Variants in AFAP1L1 observed in about 807,000 individuals in gnomAD.
The protein encoded by AFAP1L1 is actin filament-associated protein 1-like 1.
AFAP1L1 carries 77 observed loss-of-function variants against 99.8 expected under a neutral mutation model. The ratio of observed to expected loss-of-function variants is 0.77; its 90% CI spans 0.64 to 0.93. The LOEUF is 0.93. Among genes scored for constraint, AFAP1L1 ranks in the 40% least tolerant of loss-of-function variants. AFAP1L1 has a pLI of 0.00. For missense variants in AFAP1L1, 893 were observed against 996.8 expected (o/e 0.90, Z 1.40); for synonymous variants, 373 against 395.3 (o/e 0.94, Z 0.67).
At chr5:149,322,569 T>G in intron 14 of AFAP1L1, 37 bp from the exon 15 acceptor site, 3 of 1,498,030 alleles carry the variant, frequency 2.0e-6, no homozygotes, top group Non-Finnish European at 2.7e-6. Flanking sequence ...AGTCTGCGCC[T>G]GCCTGAACTT....
At chr5:149,314,886 TCAG>T (rs1756749733) in intron 9 of AFAP1L1, among the ~76,000 whole-genome samples, 1 of 152,202 alleles carries the variant, frequency 6.6e-6, no homozygotes, top group South Asian at 2.1e-4. Flanking sequence ...CTGGCACAGT[TCAG>T]CTTCTTGAAG....
At chr5:149,282,434 A>T (rs1303549031) in intron 1 of AFAP1L1, among the ~76,000 whole-genome samples, 1 of 152,166 alleles carries the variant, frequency 6.6e-6, no homozygotes, top group Non-Finnish European at 1.5e-5. Context: ...GAAGCAATTC[A>T]CTGCCGGGAG....
chr5:149,305,878 CCACACACACACACACACACA>C (rs56036411), intron 5 of AFAP1L1, among the ~76,000 whole-genome samples: 15 of 142,472 alleles, frequency 1.1e-4, no homozygotes, highest in Admixed American at 2.1e-4. Context: ...GACCAACACA[CCACACACACACACACACACA>C]CACACACACA....
chr5:149,341,865 T>G lies in AFAP1L1; in HGVS notation c.*1835T>G, dbSNP rs970313735. On this transcript the variant is annotated 3_prime_UTR_variant, in exon 19 of 19. Coordinates refer to ENST00000296721, the MANE Select transcript of AFAP1L1 (RefSeq NM_152406.4). ...AGAGGAAATTACTTTTCAGTGTTCT[T>G]TTTTAAAACGTGGATCCTGAAATGT... 5 of 152,256 alleles carry G rather than the reference T, an allele frequency of 3.3e-5. No homozygotes were observed. The highest frequency in any genetic ancestry group is 1.2e-4 in the African/African-American group (5 of 41,474). 9.4% of individuals were successfully genotyped at this position (152,256 alleles called of 1,614,324 possible). A position where few individuals can be genotyped will look rare whatever the true frequency, so the allele number is the denominator to read the frequency against.
intron 16 of AFAP1L1, 126 bp from the exon 17 acceptor site, chr5:149,332,569 C>A: frequency 9.9e-7 from 1 of 1,005,854 alleles, no homozygotes. Flanking sequence ...CAGAGTCCAT[C>A]TCTTAACCAA....
At chr5:149,280,471 CT>C (rs77278332) in intron 1 of AFAP1L1, among the ~76,000 whole-genome samples, 11,487 of 145,090 alleles carry the variant, frequency 0.079, 973 homozygotes, top group African/African-American at 0.22. Context: ...TGGGAATCTG[CT>C]TTTTTTTTTT....
At chr5:149,275,354 GGGACCTCT>G (rs1367504505) in intron 1 of AFAP1L1, among the ~76,000 whole-genome samples, 1 of 152,286 alleles carries the variant, frequency 6.6e-6, no homozygotes, top group Non-Finnish European at 1.5e-5. Context: ...AGTGTCGGGT[GGGACCTCT>G]CTTCCTGGCT....
At chr5:149,287,177 A>C (rs1055710468) in intron 1 of AFAP1L1, among the ~76,000 whole-genome samples, 2 of 152,254 alleles carry the variant, frequency 1.3e-5, no homozygotes, top group African/African-American at 4.8e-5. Context: ...AAATCTTAGC[A>C]GCATAATATT....
chr5:149,305,611 A>C (rs1290464570), intron 5 of AFAP1L1, among the ~76,000 whole-genome samples: 1 of 152,122 alleles, frequency 6.6e-6, no homozygotes, highest in African/African-American at 2.4e-5. Context: ...ACATCCCACT[A>C]ACCCCAGCAC....
At chr5:149,312,085 G>T in intron 8 of AFAP1L1, 27 bp from the exon 9 acceptor site, 2 of 1,606,014 alleles carry the variant, frequency 1.2e-6, no homozygotes, top group South Asian at 2.2e-5. Flanking sequence ...CTGCCCACCC[G>T]TTCACAGCTG....
intron 16 of AFAP1L1, among the ~76,000 whole-genome samples, chr5:149,330,247 T>A (rs977683173): frequency 2.9e-4 from 44 of 152,330 alleles, no homozygotes; most frequent in African/African-American, 1.0e-3. Flanking sequence ...CATGACACTT[T>A]CCCAGGATCC....
At chr5:149,295,704 C>T (rs1034469989) in intron 1 of AFAP1L1, among the ~76,000 whole-genome samples, 9 of 152,148 alleles carry the variant, frequency 5.9e-5, no homozygotes, top group Non-Finnish European at 8.8e-5. Context: ...AATCCTTAGT[C>T]GTTCATTGGC....
intron 1 of AFAP1L1, among the ~76,000 whole-genome samples, chr5:149,273,593 A>G (rs941907704): frequency 1.3e-5 from 2 of 152,180 alleles, no homozygotes; most frequent in East Asian, 1.9e-4. Flanking sequence ...TTCTTTAGCA[A>G]CTGAGGCCTA....
rs56036411 is a variant in AFAP1L1 at position 149,305,878 on chromosome 5, C to CCACACA, written c.437-390_437-385dup. On this transcript the variant is annotated intron_variant, in intron 5 of 18. Transcript: ENST00000296721. Reference sequence around the variant, plus strand: ...AAAAATCAGAGCTGCGACCAACACACCACACACACACACACACACACACAC... The same window carrying CCACACA: ...AAAAATCAGAGCTGCGACCAACACACCACACACACACACACACACACACACACACAC... Among the ~76,000 whole-genome samples, 247 of 142,566 alleles carry CCACACA rather than the reference C, an allele frequency of 1.7e-3. 1 individual carries two copies. The highest frequency in any genetic ancestry group is 4.8e-3 in the African/African-American group (182 of 38,116). The allele number at this position is 142,566 out of a possible 152,430, so 93.5% of individuals were successfully genotyped here.
At chr5:149,326,482 T>C (rs1294235078) in intron 15 of AFAP1L1, among the ~76,000 whole-genome samples, 1 of 147,362 alleles carries the variant, frequency 6.8e-6, no homozygotes, top group Non-Finnish European at 1.5e-5. Context: ...GAGGTTGCAG[T>C]GAGCCCTGAT....
At chr5:149,295,740 A>G (rs368629149) in intron 1 of AFAP1L1, among the ~76,000 whole-genome samples, 3 of 152,310 alleles carry the variant, frequency 2.0e-5, no homozygotes, top group South Asian at 2.1e-4. Flanking sequence ...TAAAGTTTTA[A>G]AGTGTAGCTA....
intron 18 of AFAP1L1, among the ~76,000 whole-genome samples, chr5:149,336,202 C>T (rs947227143): frequency 6.6e-6 from 1 of 152,198 alleles, no homozygotes; most frequent in African/African-American, 2.4e-5. Flanking sequence ...ATGGTACCTA[C>T]ACTAACACAT....
At chr5:149,334,093 G>C (rs1757337472) in intron 17 of AFAP1L1, among the ~76,000 whole-genome samples, 2 of 152,176 alleles carry the variant, frequency 1.3e-5, no homozygotes, top group Admixed American at 1.3e-4. Context: ...CCTGCTTTCG[G>C]GTGAGGAAAT....
In AFAP1L1 at chr5:149,342,175, G is replaced by A. The variant is rs1279862065; in HGVS notation, c.*2145G>A. ...TGCCTTCTTAATCATATTTGAACAA[G>A]GAGTTCTGCTTTTCCTTTTGCCCTT... On this transcript the variant is annotated 3_prime_UTR_variant, in exon 19 of 19. Transcript: ENST00000296721. 2.6e-5 allele frequency among the ~76,000 whole-genome samples: 4 copies of A among 152,186 alleles called. No individual in the cohort carries two copies. The highest frequency in any genetic ancestry group is 5.9e-5 in the Non-Finnish European group (4 of 68,038).
Sources: gnomAD v4.1 joint callset for allele counts (sites outside exome capture counted in the v4.1 genomes callset) on GRCh38, gnomAD v4.1.1 for gene constraint, MANE v1.5 for transcripts, NCBI Gene and HGNC (gene_info 2026-07-23, HGNC 2026-07-21) for gene names.